INPP4B: variants seen among roughly 807,000 people sequenced by gnomAD.
INPP4B encodes inositol polyphosphate-4-phosphatase type II B, also known as inositol polyphosphate 4-phosphatase type II.
INPP4B carries 55 observed loss-of-function variants against 122.5 expected under a neutral mutation model. That is an observed-to-expected ratio of 0.45 (90% CI 0.36 to 0.56). The LOEUF (loss-of-function observed/expected upper bound fraction) is 0.56, where lower values mean the gene tolerates loss of function less well. INPP4B is among the 20% of genes least tolerant of loss of function. The pLI is 0.00. For missense variants in INPP4B, 1,000 were observed against 1,097.7 expected, an observed-to-expected ratio of 0.91 and a Z score of 1.26; for synonymous variants, 403 against 388.7, an observed-to-expected ratio of 1.04 and a Z score of -0.43.
At chr4:142,640,913 G>A (rs1282257435) in intron 2 of INPP4B, among the ~76,000 whole-genome samples, 1 of 152,098 alleles carries the variant, frequency 6.6e-6, no homozygotes, top group East Asian at 1.9e-4. Context: ...ATTTAAAAAG[G>A]CTTTGAATCA....
intron 1 of INPP4B, among the ~76,000 whole-genome samples, chr4:142,775,678 T>G (rs1773782436): frequency 6.6e-6 from 1 of 152,050 alleles, no homozygotes; most frequent in Non-Finnish European, 1.5e-5. Flanking sequence ...CTGTATATTT[T>G]CTTTAGTGAG....
chr4:142,050,670 T>C (rs1754047617), intron 25 of INPP4B, among the ~76,000 whole-genome samples: 1 of 152,048 alleles, frequency 6.6e-6, no homozygotes, highest in Non-Finnish European at 1.5e-5. Flanking sequence ...CTTTGGTAAA[T>C]ATTCGTTTTG....
At chr4:142,348,480 C>G (rs548404841) in intron 7 of INPP4B, among the ~76,000 whole-genome samples, 1 of 152,050 alleles carries the variant, frequency 6.6e-6, no homozygotes, top group Non-Finnish European at 1.5e-5. Flanking sequence ...CTCCCTCCTG[C>G]CCCTCCAATT....
chr4:142,602,947 C>T (rs1356153975), intron 2 of INPP4B, among the ~76,000 whole-genome samples: 2 of 152,048 alleles, frequency 1.3e-5, no homozygotes, highest in Non-Finnish European at 2.9e-5. Context: ...ATAGCAAAGA[C>T]ATGAATCGAC....
chr4:142,770,280 A>G (rs1390971303), intron 1 of INPP4B, among the ~76,000 whole-genome samples: 2 of 151,884 alleles, frequency 1.3e-5, no homozygotes, highest in African/African-American at 4.8e-5. Context: ...TTGGTCCAAT[A>G]TCAATGTTCC....
At chr4:142,685,329 T>A (rs1759193894) in intron 2 of INPP4B, among the ~76,000 whole-genome samples, 1 of 152,056 alleles carries the variant, frequency 6.6e-6, no homozygotes, top group Non-Finnish European at 1.5e-5. Context: ...AAAAGCCAAT[T>A]GCACTTTAGA....
At chr4:142,332,194 G>A (rs1774778618) in intron 7 of INPP4B, among the ~76,000 whole-genome samples, 1 of 151,968 alleles carries the variant, frequency 6.6e-6, no homozygotes, top group Admixed American at 6.6e-5. Context: ...GACAATCTGT[G>A]CTTATATTAT....
chr4:142,742,944 G>A (rs1043972971), intron 1 of INPP4B, among the ~76,000 whole-genome samples: 16 of 151,868 alleles, frequency 1.1e-4, no homozygotes, highest in Admixed American at 3.3e-4. Flanking sequence ...TTTAGAATCC[G>A]ATTATAAAAG....
At chr4:142,056,358 A>C (rs1333975796) in intron 25 of INPP4B, among the ~76,000 whole-genome samples, 2 of 152,184 alleles carry the variant, frequency 1.3e-5, no homozygotes, top group African/African-American at 4.8e-5. Context: ...TTGCTACCTT[A>C]AGTAAATCTG....
chr4:142,240,586 T>C (rs1467532278), intron 11 of INPP4B, among the ~76,000 whole-genome samples: 1 of 152,196 alleles, frequency 6.6e-6, no homozygotes, highest in African/African-American at 2.4e-5. Flanking sequence ...ATTTAACTTT[T>C]ATGTTATGGG....
Position 142,424,524 on chromosome 4 carries a change from T to A in INPP4B, c.136+4649A>T, listed in dbSNP as rs1264244000. On this transcript the variant is annotated intron_variant, in intron 5 of 25. Transcript: ENST00000262992. The stretch of plus-strand genomic sequence containing the variant: ...CACACACCTTCCAATCTTGTTATCT[T>A]GCACACACAGACACGGATAGTTAAA... Among the ~76,000 whole-genome samples, 5 of 152,220 alleles carry A rather than the reference T, an allele frequency of 3.3e-5. No individual in the cohort carries two copies. In the East Asian group the frequency reaches 9.7e-4, roughly 29 times the overall value.
At chr4:142,162,343 T>C (rs1046603441) in intron 16 of INPP4B, among the ~76,000 whole-genome samples, 5 of 151,662 alleles carry the variant, frequency 3.3e-5, no homozygotes, top group Non-Finnish European at 7.4e-5. Context: ...AAAAATTGGC[T>C]AGACAGTACT....
At chr4:142,629,226 G>C (rs1201213725) in intron 2 of INPP4B, among the ~76,000 whole-genome samples, 1 of 151,990 alleles carries the variant, frequency 6.6e-6, no homozygotes, top group Admixed American at 6.6e-5. Context: ...AATCAATATT[G>C]AATGATCATT....
At chr4:142,599,528 A>C (rs1302160195) in intron 2 of INPP4B, among the ~76,000 whole-genome samples, 3 of 152,200 alleles carry the variant, frequency 2.0e-5, no homozygotes, top group Non-Finnish European at 4.4e-5. Context: ...TTCAGGAAAA[A>C]GTCTTCCTCT....
intron 2 of INPP4B, among the ~76,000 whole-genome samples, chr4:142,671,745 C>T (rs1253361892): frequency 6.6e-6 from 1 of 152,034 alleles, no homozygotes; most frequent in African/African-American, 2.4e-5. Context: ...AAATTCCCAT[C>T]GAAGTGGTTA....
chr4:142,263,877 A>T (rs970096996), intron 10 of INPP4B, among the ~76,000 whole-genome samples: 13 of 151,848 alleles, frequency 8.6e-5, no homozygotes, highest in African/African-American at 3.1e-4. Context: ...GTAGGTGGGA[A>T]AACTAAGTGC....
At chr4:142,373,671 T>C (rs1296634758) in intron 7 of INPP4B, among the ~76,000 whole-genome samples, 2 of 151,980 alleles carry the variant, frequency 1.3e-5, no homozygotes, top group Non-Finnish European at 2.9e-5. Context: ...GAGAAATGTG[T>C]CTGATACAGA....
chr4:142,274,819 C>T lies in INPP4B; in HGVS notation c.504-4045G>A, dbSNP rs533150299. On this transcript the variant is annotated intron_variant, in intron 9 of 25. Transcript: ENST00000262992. ...CATTTCAGATAGTGTATTGCCAGGT[C>T]ATTACCACTGTTTAACGCAGAAAGC... Among the ~76,000 whole-genome samples the T allele has an allele frequency of 4.4e-4, 67 of 151,696 alleles. No individual in the cohort carries two copies. In the South Asian group the frequency reaches 0.014, roughly 31 times the overall value.
intron 2 of INPP4B, among the ~76,000 whole-genome samples, chr4:142,534,561 A>G (rs1827971333): frequency 6.6e-6 from 1 of 151,994 alleles, no homozygotes; most frequent in Admixed American, 6.6e-5. Context: ...TTCTTTCTAA[A>G]TTACCCAGTC....
Sources: gnomAD v4.1 joint callset for allele counts (sites outside exome capture counted in the v4.1 genomes callset) on GRCh38, gnomAD v4.1.1 for gene constraint, MANE v1.5 for transcripts, NCBI Gene and HGNC (gene_info 2026-07-23, HGNC 2026-07-21) for gene names.